LRGUK: variants seen among roughly 807,000 people sequenced by gnomAD.
LRGUK encodes leucine rich repeats and guanylate kinase domain containing.
Under a neutral mutation model 76.0 loss-of-function variants are expected in LRGUK, and 65 were observed. The observed-to-expected ratio is 0.85, with a 90% confidence interval of 0.70 to 1.05. LRGUK has a LOEUF of 1.05. Ranked by LOEUF, LRGUK falls within the 50% of genes least tolerant of loss-of-function variation. The probability of loss-of-function intolerance (pLI) is 0.00; values close to 1 mark genes in which losing one functional copy is unlikely to be tolerated. For synonymous variants in LRGUK, 268 were observed against 265.6 expected (o/e 1.01, Z -0.09); for missense variants, 758 against 732.8 (o/e 1.03, Z -0.40).
chr7:134,192,018 T>C (rs1228909284), intron 12 of LRGUK, among the ~76,000 whole-genome samples: 2 of 152,050 alleles, frequency 1.3e-5, no homozygotes. Flanking sequence ...ACTAAAGCAG[T>C]ATGAAAAATT....
downstream of LRGUK, among the ~76,000 whole-genome samples, chr7:134,265,083 G>T (rs1384083719): frequency 1.3e-5 from 2 of 152,136 alleles, no homozygotes; most frequent in Admixed American, 1.3e-4. Flanking sequence ...GACCATGAAG[G>T]AGATGACCAC....
chr7:134,165,362 A>G (rs748777507), intron 7 of LRGUK, among the ~76,000 whole-genome samples: 1 of 152,066 alleles, frequency 6.6e-6, no homozygotes, highest in Admixed American at 6.5e-5. Flanking sequence ...GCACATAGAG[A>G]ATGGTTTGCC....
chr7:134,244,661 C>A lies in LRGUK; in HGVS notation c.1984-2895C>A, dbSNP rs1393937793. ...GACAGTGTGGTGATTCCTCAAGCAT[C>A]TAGAACTAGAAATACCATTTGACCC... is the stretch of plus-strand genomic sequence containing the variant. On this transcript the variant is annotated intron_variant, in intron 16 of 19. Transcript: ENST00000285928. Among the ~76,000 whole-genome samples the A allele has an allele frequency of 5.9e-5, 9 of 151,566 alleles. 1 individual carries two copies. In the South Asian group the frequency reaches 1.9e-3, roughly 32 times the overall value.
exon 12 of LRGUK, chr7:134,191,742 G>T (rs760218864): frequency 2.7e-5 from 43 of 1,603,880 alleles, no homozygotes; most frequent in Non-Finnish European, 3.5e-5. Flanking sequence ...TTGATGAAAT[G>T]GTGAACATGG....
intron 4 of LRGUK, among the ~76,000 whole-genome samples, chr7:134,145,814 CA>C (rs1336165255): frequency 6.6e-6 from 1 of 152,222 alleles, no homozygotes; most frequent in African/African-American, 2.4e-5. Context: ...CCAGAGAGAA[CA>C]TGCATTTCCT....
At chr7:134,198,727 G>C (rs1252594681) in intron 13 of LRGUK, among the ~76,000 whole-genome samples, 1 of 152,122 alleles carries the variant, frequency 6.6e-6, no homozygotes, top group Non-Finnish European at 1.5e-5. Context: ...CTGGTCTGCA[G>C]GTGACGAGGA....
At chr7:134,173,361 C>T (rs1421662912) in intron 7 of LRGUK, among the ~76,000 whole-genome samples, 1 of 152,128 alleles carries the variant, frequency 6.6e-6, no homozygotes, top group African/African-American at 2.4e-5. Context: ...GGTTGGATAA[C>T]TCAGGAGTTT....
At chr7:134,216,573 A>C (rs1348133950) in intron 15 of LRGUK, among the ~76,000 whole-genome samples, 1 of 152,224 alleles carries the variant, frequency 6.6e-6, no homozygotes, top group Non-Finnish European at 1.5e-5. Flanking sequence ...CACATAGTAC[A>C]TGCTCAATAA....
intron 19 of LRGUK, among the ~76,000 whole-genome samples, chr7:134,259,147 C>T (rs1022594648): frequency 8.5e-5 from 13 of 152,270 alleles, no homozygotes; most frequent in African/African-American, 2.2e-4. Flanking sequence ...GGCCCAGCCC[C>T]GCTTCACCTC....
chr7:134,145,978 T>G (rs377766970), intron 4 of LRGUK, among the ~76,000 whole-genome samples: 4 of 152,304 alleles, frequency 2.6e-5, no homozygotes, highest in South Asian at 4.1e-4. Context: ...CTTTAAGGTC[T>G]TTCAAGAAAC....
At chr7:134,247,607 G>A (rs1457963457) in exon 17 of LRGUK, 2 of 1,613,640 alleles carry the variant, frequency 1.2e-6, no homozygotes, top group African/African-American at 1.3e-5. Flanking sequence ...AGCTCTAATG[G>A]GAAGGATACG....
chr7:134,263,968 G>A lies in LRGUK; in HGVS notation c.2471G>A (p.Arg824His), dbSNP rs146105091. The A allele has an allele frequency of 1.8e-5, 29 of 1,608,942 alleles. No individual in the cohort carries two copies. Among genetic ancestry groups the A allele is most frequent in the African/African-American group, 1.6e-4 (12 of 74,700 alleles). ...ACCCTCCCTCCAATCCCTCAGGGCC[G>A]CAGGTAGACTAGCACTTGATGTCTG... is the stretch of plus-strand genomic sequence containing the variant. The change falls in exon 20 of 20, where the codon CGC (arginine) becomes CAC (histidine). Residue 824 changes from arginine (R) to histidine (H), a missense_variant. Coordinates refer to the LRGUK transcript ENST00000285928.
intron 4 of LRGUK, among the ~76,000 whole-genome samples, chr7:134,144,850 TC>T (rs1308870234): frequency 6.6e-6 from 1 of 152,184 alleles, no homozygotes; most frequent in Non-Finnish European, 1.5e-5. Flanking sequence ...CTATCTGTAC[TC>T]AGTGTGGGGC....
At chr7:134,160,588 T>C (rs17167537) in intron 6 of LRGUK, among the ~76,000 whole-genome samples, 20,050 of 152,254 alleles carry the variant, frequency 0.13, 1,670 homozygotes, top group East Asian at 0.32. Context: ...ATTCACCATA[T>C]GAACCAACTG....
intron 16 of LRGUK, among the ~76,000 whole-genome samples, chr7:134,229,167 G>A (rs1801830515): frequency 6.6e-6 from 1 of 152,124 alleles, no homozygotes; most frequent in Admixed American, 6.6e-5. Context: ...CTTGATGTCA[G>A]GAGTTTGAAA....
At chr7:134,177,854 G>A (rs191618644) in intron 9 of LRGUK, among the ~76,000 whole-genome samples, 155 of 152,186 alleles carry the variant, frequency 1.0e-3, no homozygotes, top group Non-Finnish European at 1.9e-3. Flanking sequence ...TTAACATTTT[G>A]CAAAAGGAAT....
intron 15 of LRGUK, among the ~76,000 whole-genome samples, chr7:134,206,859 T>C (rs1436441389): frequency 6.6e-6 from 1 of 152,144 alleles, no homozygotes; most frequent in Non-Finnish European, 1.5e-5. Context: ...TAAAATAAAA[T>C]TGTATTTGCA....
At chr7:134,191,829 TAAAA>T in intron 12 of LRGUK, 78 bp downstream of exon 12, 1 of 1,001,292 alleles carries the variant, frequency 1.0e-6, no homozygotes, top group South Asian at 1.7e-5. Context: ...TAGTTATAAA[TAAAA>T]AAAGGAAGAA....
At chr7:134,221,911 C>T in exon 16 of LRGUK, 1 of 1,593,610 alleles carries the variant, frequency 6.3e-7, no homozygotes. Context: ...GCCAAAAAAA[C>T]ACCAGCGGTA....
Sources: allele counts gnomAD v4.1 joint callset (sites outside exome capture counted in the v4.1 genomes callset), GRCh38; gene constraint gnomAD v4.1.1; transcripts MANE v1.5; gene names NCBI Gene and HGNC (gene_info 2026-07-23, HGNC 2026-07-21).